The following FAM186A variants were observed in gnomAD, a reference collection of about 807,000 sequenced individuals.
FAM186A encodes the protein family with sequence similarity 186 member A.
In FAM186A, 163 loss-of-function variants were observed where a neutral mutation model predicts 216.8. The ratio of observed to expected loss-of-function variants is 0.75; its 90% CI spans 0.66 to 0.86. The LOEUF is 0.86. FAM186A is among the 40% of genes least tolerant of loss of function. The pLI is 0.00. For missense variants in FAM186A, 2,184 were observed against 2,746.2 expected, an observed-to-expected ratio of 0.80 and a Z score of 4.58; for synonymous variants, 805 against 1,025.3, an observed-to-expected ratio of 0.79 and a Z score of 4.10.
At chr12:50,392,474 T>A (rs1363604107) in intron 1 of FAM186A, 1 of 151,650 alleles carries the variant, frequency 6.6e-6, no homozygotes, top group South Asian at 2.1e-4. Context: ...GAGACAGGGG[T>A]TTCACCGTGT....
chr12:50,334,017 A>C lies in FAM186A; in HGVS notation c.6590T>G (p.Leu2197Arg). ...ARNLHMMLSR[L>R]DDYGKKVMQV... ...CATCACCTTTTTCCCGTAGTCATCA[A>C]GTCTGCTCAGCATCATGTGGAGGTT... The change falls in exon 5 of 8, where the codon CTT becomes CGT. Residue 2197 changes from leucine to arginine, a missense_variant. Transcript: ENST00000327337. 6.4e-7 allele frequency: 1 copy of C among 1,551,712 alleles called. No individual in the cohort carries two copies. Among genetic ancestry groups the C allele is most frequent in the Non-Finnish European group, 8.7e-7 (1 of 1,147,004 alleles).
At chr12:50,370,048 C>T (rs1308809714) in intron 1 of FAM186A, among the ~76,000 whole-genome samples, 3 of 127,080 alleles carry the variant, frequency 2.4e-5, no homozygotes, top group Non-Finnish European at 4.7e-5. Flanking sequence ...GGCGTGAACC[C>T]GGGAGGCGGA....
Position 50,391,859 on chromosome 12 carries a change from A to G in FAM186A, c.192+4434T>C, listed in dbSNP as rs201297400. 1.2e-4 allele frequency among the ~76,000 whole-genome samples: 19 copies of G among 152,316 alleles called. No homozygotes were observed. The East Asian group carries it at 2.7e-3, about 22-fold the overall frequency. On this transcript the variant is annotated intron_variant, in intron 1 of 7. Coordinates refer to ENST00000327337, the MANE Select transcript of FAM186A (RefSeq NM_001145475.3). ...ATTTATTCCAGAGAAATGAAAGCAT[A>G]TATCTGTATAATGACTGGTACATGA...
In FAM186A at chr12:50,360,805, T is replaced by C. The variant is rs977297122; in HGVS notation, c.534A>G (p.Arg178=). 1.4e-5 allele frequency: 22 copies of C among 1,548,488 alleles called. No homozygotes were observed. Among genetic ancestry groups the C allele is most frequent in the Non-Finnish European group, 1.8e-5 (21 of 1,145,930 alleles). Reference sequence around the variant, plus strand: ...TTTCGTCGAGGAAAGATGTACTAAATCTGCTTAGTATCTTGACATTGTTCT... The same window carrying C: ...TTTCGTCGAGGAAAGATGTACTAAACCTGCTTAGTATCTTGACATTGTTCT... ...AIENNVKILS[R]FSTSFLDEKK... Residue 178 remains arginine, a synonymous_variant, in exon 3 of 8, where the codon AGA becomes AGG. Coordinates refer to ENST00000327337, the MANE Select transcript of FAM186A (RefSeq NM_001145475.3).
At chr12:50,384,862 T>C (rs1240568414) in intron 1 of FAM186A, among the ~76,000 whole-genome samples, 2 of 151,902 alleles carry the variant, frequency 1.3e-5, no homozygotes, top group African/African-American at 2.4e-5. Context: ...CTGGAGTGCA[T>C]TGGCGCGATC....
intron 1 of FAM186A, among the ~76,000 whole-genome samples, chr12:50,367,782 G>T (rs903053532): frequency 4.6e-5 from 7 of 152,030 alleles, no homozygotes; most frequent in African/African-American, 1.7e-4. Context: ...CAGTCACTTT[G>T]CTAACTACAC....
intron 1 of FAM186A, among the ~76,000 whole-genome samples, chr12:50,379,267 C>G (rs1365812562): frequency 6.6e-6 from 1 of 151,738 alleles, no homozygotes; most frequent in African/African-American, 2.4e-5. Context: ...GGTGAAACCC[C>G]GTCTCTACTA....
rs1942884307 is a variant in FAM186A at position 50,351,725 on chromosome 12, G to C, written c.5107C>G (p.Leu1703Val). 1.3e-6 allele frequency: 2 copies of C among 1,551,540 alleles called. No homozygotes were observed. Among genetic ancestry groups the C allele is most frequent in the South Asian group, 1.2e-5 (1 of 84,064 alleles). ...GACCACTGGACTTGCTTAAGGGTGA[G>C]GGGCGATCCCAAGGTATGGGCTTTA... The part of the protein sequence containing the change: ...LDKAHTLGSP[L>V]TLKQVQWSHR... The change falls in exon 4 of 8, where the codon CTC (leucine) becomes GTC (valine). Residue 1703 changes from leucine (L) to valine (V), a missense_variant. Around this residue, in one of 7 missense-constraint regions of FAM186A, gnomAD observed 721 missense variants for 816.4 expected, o/e 0.88. Transcript: ENST00000327337.
chr12:50,363,760 T>TA (rs751989324), intron 1 of FAM186A, among the ~76,000 whole-genome samples: 3,157 of 26,714 alleles, frequency 0.12, 111 homozygotes, highest in African/African-American at 0.18. Context: ...CTGTAGCTGC[T>TA]AAAAAAAAAA....
intron 3 of FAM186A, among the ~76,000 whole-genome samples, chr12:50,356,955 C>T (rs1402349224): frequency 2.6e-5 from 4 of 151,998 alleles, no homozygotes; most frequent in Non-Finnish European, 2.9e-5. Flanking sequence ...GCCGAGATTG[C>T]GCCACTGCAC....
chr12:50,376,571 T>A (rs1458817092), intron 1 of FAM186A, among the ~76,000 whole-genome samples: 1 of 152,048 alleles, frequency 6.6e-6, no homozygotes, highest in Admixed American at 6.6e-5. Flanking sequence ...GGGGTTTTTA[T>A]GGGCTCAAAA....
intron 1 of FAM186A, among the ~76,000 whole-genome samples, chr12:50,379,741 G>A (rs944395372): frequency 4.0e-5 from 6 of 151,658 alleles, no homozygotes; most frequent in East Asian, 3.9e-4. Flanking sequence ...AGCCAAGATC[G>A]CGCCATTGCA....
intron 4 of FAM186A, among the ~76,000 whole-genome samples, chr12:50,345,594 T>G (rs1942803985): frequency 1.3e-5 from 2 of 152,212 alleles, no homozygotes; most frequent in Admixed American, 1.3e-4. Context: ...GCATCATTTA[T>G]TGGACAGAGA....
In FAM186A at chr12:50,350,651, G is replaced by A. The variant is rs1942866939; in HGVS notation, c.6181C>T (p.Pro2061Ser). ...TTLLRTSQIS[P>S]LEWYQKSRFP... ...CGGGATTTCTGGTACCATTCCAAAG[G>A]TGAAATCTGTGATGTTCTGAGTAGA... The change falls in exon 4 of 8, where the codon CCT becomes TCT. Residue 2061 changes from proline to serine, a missense_variant. Coordinates refer to ENST00000327337, the MANE Select transcript of FAM186A (RefSeq NM_001145475.3). 2.6e-6 allele frequency: 4 copies of A among 1,551,650 alleles called. No homozygotes were observed. Among genetic ancestry groups the A allele is most frequent in the Non-Finnish European group, 3.5e-6 (4 of 1,146,990 alleles).
At chr12:50,375,447 G>T (rs1035839995) in intron 1 of FAM186A, among the ~76,000 whole-genome samples, 7 of 151,440 alleles carry the variant, frequency 4.6e-5, no homozygotes, top group Non-Finnish European at 1.0e-4. Flanking sequence ...TACTTAGGAG[G>T]ATGAGGCAAA....
chr12:50,335,003 T>C (rs1319247059), intron 4 of FAM186A, among the ~76,000 whole-genome samples: 1 of 152,182 alleles, frequency 6.6e-6, no homozygotes, highest in East Asian at 1.9e-4. Context: ...GGCTCATGCC[T>C]GTAATCCCAG....
intron 1 of FAM186A, among the ~76,000 whole-genome samples, chr12:50,383,167 T>C (rs1476141725): frequency 2.1e-5 from 3 of 142,890 alleles, no homozygotes; most frequent in African/African-American, 5.2e-5. Flanking sequence ...GGAGGATCAC[T>C]TGAGCCTGGG....
At position 50,351,648 on chromosome 12, in the gene FAM186A, G is replaced by A. The variant is rs1353246726; in HGVS notation, c.5184C>T (p.Ile1728=). ...TAAGACTTGGAGACAATCTTGATAT[G>A]ATGGATTGCCCAGTGGGGAGAGAAG... ...SKASLPTGQS[I]ISRLSPSLRL... is the part of the protein sequence containing the mutation. Residue 1728 remains isoleucine, a synonymous_variant, in exon 4 of 8, where the codon ATC becomes ATT. Transcript: ENST00000327337. The A allele has an allele frequency of 1.3e-6, 2 of 1,551,598 alleles. No individual in the cohort carries two copies. The highest frequency in any genetic ancestry group is 1.7e-6 in the Non-Finnish European group (2 of 1,146,914).
intron 4 of FAM186A, among the ~76,000 whole-genome samples, chr12:50,343,928 T>G (rs1452936719): frequency 6.6e-6 from 1 of 151,584 alleles, no homozygotes; most frequent in Admixed American, 6.6e-5. Context: ...CTTTTTTTTT[T>G]TTTTTGTAGA....
Sources: allele counts gnomAD v4.1 joint callset (sites outside exome capture counted in the v4.1 genomes callset), GRCh38; gene constraint gnomAD v4.1.1; regional missense constraint gnomAD v4.1.1; transcripts MANE v1.5; gene names NCBI Gene and HGNC (gene_info 2026-07-23, HGNC 2026-07-21).